Variants in MBNL1 observed in about 807,000 individuals in gnomAD.
MBNL1 encodes muscleblind like splicing regulator 1.
Under a neutral mutation model 42.2 loss-of-function variants are expected in MBNL1, and 8 were observed. The observed-to-expected ratio is 0.19, with a 90% confidence interval of 0.11 to 0.34. The LOEUF (loss-of-function observed/expected upper bound fraction) is 0.34, where lower values mean the gene tolerates loss of function less well. MBNL1 is among the 10% of genes least tolerant of loss of function. The pLI is 1.00. For missense variants in MBNL1, 309 were observed against 495.3 expected, an observed-to-expected ratio of 0.62 and a Z score of 3.57; for synonymous variants, 169 against 173.9, an observed-to-expected ratio of 0.97 and a Z score of 0.22.
intron 3 of MBNL1, among the ~76,000 whole-genome samples, chr3:152,420,877 G>T (rs563522322): frequency 6.6e-6 from 1 of 152,142 alleles, no homozygotes; most frequent in African/African-American, 2.4e-5. Context: ...CTTGATAAAA[G>T]ATTACAGGAA....
In MBNL1 at chr3:152,418,407, T is replaced by G. The variant is rs946477021; in HGVS notation, c.345+3296T>G. On this transcript the variant is annotated intron_variant, in intron 3 of 9. Transcript: ENST00000324210. ...CTCTAACCTAGCTGGGTGTGCTGGC[T>G]TACACCTGTAATCCCAGCACTTTGG... 3.9e-5 allele frequency among the ~76,000 whole-genome samples: 6 copies of G among 152,190 alleles called. No individual in the cohort carries two copies. In the East Asian group the frequency reaches 1.2e-3, roughly 29 times the overall value.
In MBNL1 at chr3:152,355,903, T is replaced by C. The variant is rs1481642502; in HGVS notation, c.174+55536T>C. On this transcript the variant is annotated intron_variant, in intron 2 of 9. Transcript: ENST00000324210. ...TAGCATGCGGAAGCAGCACAAGATA[T>C]CATGTGCAACATGTGTTGTGCCAAG... is the stretch of plus-strand genomic sequence containing the variant. Among the ~76,000 whole-genome samples, 4 of 152,280 alleles carry C rather than the reference T, an allele frequency of 2.6e-5. No individual in the cohort carries two copies. The East Asian group carries it at 7.7e-4, about 29-fold the overall frequency.
intron 1 of MBNL1, among the ~76,000 whole-genome samples, chr3:152,274,245 A>G (rs1470831728): frequency 1.3e-5 from 2 of 152,198 alleles, no homozygotes; most frequent in Admixed American, 6.5e-5. Flanking sequence ...GTTCTATGAA[A>G]TAAGCATTAC....
chr3:152,350,724 TCCATTCC>T (rs1464796092), intron 2 of MBNL1, among the ~76,000 whole-genome samples: 2 of 152,116 alleles, frequency 1.3e-5, no homozygotes, highest in African/African-American at 4.8e-5. Flanking sequence ...TTAGCCAGAT[TCCATTCC>T]CTAATACTAC....
At chr3:152,268,738 C>T (rs2038030388), upstream of MBNL1, 1 of 454,758 alleles carries the variant, frequency 2.2e-6, no homozygotes, top group African/African-American at 2.0e-5. Flanking sequence ...GACAGGCGAC[C>T]CTGTGGCCCG....
chr3:152,346,134 G>T (rs2094197163), intron 2 of MBNL1, among the ~76,000 whole-genome samples: 1 of 152,092 alleles, frequency 6.6e-6, no homozygotes, highest in African/African-American at 2.4e-5. Flanking sequence ...GATTCATGTG[G>T]CAGGATGGGG....
intron 2 of MBNL1, among the ~76,000 whole-genome samples, chr3:152,248,040 T>C (rs1331680949): frequency 1.3e-5 from 2 of 151,986 alleles, no homozygotes; most frequent in Non-Finnish European, 2.9e-5. Flanking sequence ...CTCAAAATTT[T>C]TCTCACCTTG....
chr3:152,322,051 AT>A (rs1437568644), intron 2 of MBNL1, among the ~76,000 whole-genome samples: 3 of 98,626 alleles, frequency 3.0e-5, no homozygotes, highest in Non-Finnish European at 5.9e-5. Context: ...ATTTTAAAAA[AT>A]AATGAAAACA....
intron 1 of MBNL1, among the ~76,000 whole-genome samples, chr3:152,297,403 G>C (rs558776442): frequency 1.1e-4 from 17 of 150,170 alleles, no homozygotes; most frequent in Admixed American, 7.9e-4. Context: ...GAGTGCAGTG[G>C]CGCAATCTCG....
At chr3:152,341,908 G>A (rs557411896) in intron 2 of MBNL1, among the ~76,000 whole-genome samples, 22 of 152,232 alleles carry the variant, frequency 1.4e-4, no homozygotes, top group African/African-American at 5.1e-4. Context: ...GGAAATAAAA[G>A]CTCACTGAAT....
chr3:152,439,372 T>G (rs1040449328), intron 4 of MBNL1, among the ~76,000 whole-genome samples: 9 of 152,344 alleles, frequency 5.9e-5, no homozygotes, highest in Non-Finnish European at 1.0e-4. Context: ...TAAAAGACTT[T>G]CTATTCAGAA....
At chr3:152,449,507 ATAG>A (rs1717457919) in intron 6 of MBNL1, 1 of 152,224 alleles carries the variant, frequency 6.6e-6, no homozygotes, top group Non-Finnish European at 1.5e-5. Flanking sequence ...TCAAATGACT[ATAG>A]TTTTTTTTCT....
chr3:152,269,247 C>CAGG (rs2038571058), intron 1 of MBNL1, 155 bp downstream of exon 1: 5 of 341,984 alleles, frequency 1.5e-5, no homozygotes, highest in African/African-American at 6.6e-5. Flanking sequence ...TTTCGCGTCC[C>CAGG]TCAGCACCTC....
chr3:152,307,920 A>T (rs899857509), intron 2 of MBNL1, among the ~76,000 whole-genome samples: 5 of 152,198 alleles, frequency 3.3e-5, no homozygotes, highest in Non-Finnish European at 5.9e-5. Flanking sequence ...CCAAAATAGC[A>T]GAAAGAATGC....
At chr3:152,335,294 T>C in intron 2 of MBNL1, 1 of 1,277,972 alleles carries the variant, frequency 7.8e-7, no homozygotes, top group Non-Finnish European at 1.0e-6. Flanking sequence ...GCCTGCTCGC[T>C]CAAGGCCTGA....
intron 6 of MBNL1, among the ~76,000 whole-genome samples, chr3:152,454,976 A>G (rs1580819759): frequency 6.6e-6 from 1 of 152,182 alleles, no homozygotes; most frequent in East Asian, 1.9e-4. Flanking sequence ...AATAATTACA[A>G]CCCCTTTCAT....
intron 2 of MBNL1, among the ~76,000 whole-genome samples, chr3:152,403,399 G>A (rs2098313795): frequency 6.6e-6 from 1 of 152,070 alleles, no homozygotes; most frequent in Non-Finnish European, 1.5e-5. Context: ...TTGCTATATA[G>A]ACTCATCTGT....
chr3:152,364,688 G>A (rs1341568903), intron 2 of MBNL1, among the ~76,000 whole-genome samples: 3 of 151,840 alleles, frequency 2.0e-5, no homozygotes, highest in Admixed American at 6.6e-5. Flanking sequence ...CTAACATGTT[G>A]TAGCTTCTCA....
chr3:152,281,105 G>A (rs879813530), intron 1 of MBNL1, among the ~76,000 whole-genome samples: 36 of 152,086 alleles, frequency 2.4e-4, no homozygotes, highest in Non-Finnish European at 5.1e-4. Context: ...TTTCTTCGTA[G>A]GAACTTATTA....
Sources: allele counts gnomAD v4.1 joint callset (sites outside exome capture counted in the v4.1 genomes callset), GRCh38; gene constraint gnomAD v4.1.1; transcripts MANE v1.5; gene names NCBI Gene and HGNC (gene_info 2026-07-23, HGNC 2026-07-21).